NKAIN2: variants seen among roughly 807,000 people sequenced by gnomAD.
The protein encoded by NKAIN2 is sodium/potassium transporting ATPase interacting 2, also known as sodium/potassium-transporting ATPase subunit beta-1-interacting protein 2.
In NKAIN2, 14 loss-of-function variants were observed where a neutral mutation model predicts 32.6. The ratio of observed to expected loss-of-function variants is 0.43; its 90% confidence interval spans 0.28 to 0.67. The LOEUF is 0.67. NKAIN2 is among the 30% of genes least tolerant of loss of function. The probability of loss-of-function intolerance (pLI) is 0.17; values close to 1 mark genes in which losing one functional copy is unlikely to be tolerated. For missense variants in NKAIN2, 198 were observed against 258.3 expected, an observed-to-expected ratio of 0.77 and a Z score of 1.60; for synonymous variants, 80 against 87.2, an observed-to-expected ratio of 0.92 and a Z score of 0.46.
intron 1 of NKAIN2, among the ~76,000 whole-genome samples, chr6:124,147,324 CA>C (rs1221734096): frequency 2.6e-5 from 4 of 152,126 alleles, no homozygotes; most frequent in Non-Finnish European, 1.5e-5. Context: ...ACTGATTGCA[CA>C]CATGGGTGCT....
chr6:124,750,350 TA>T lies in NKAIN2; in HGVS notation c.475-40988del, dbSNP rs529051126. 1.7e-3 allele frequency among the ~76,000 whole-genome samples: 265 copies of T among 152,058 alleles called. 3 individuals carry two copies. The highest frequency in any genetic ancestry group is 5.9e-3 in the African/African-American group (245 of 41,534). Reference sequence around the variant, plus strand: ...TTCCATAACTGTGTATATTTAGCACTATCACATTTTAGTGGGCAATGTCTAT... The same window carrying T: ...TTCCATAACTGTGTATATTTAGCACTTCACATTTTAGTGGGCAATGTCTAT... On this transcript the variant is annotated intron_variant, in intron 4 of 6. Transcript: ENST00000368417.
chr6:124,406,933 CTTA>C (rs989896227), intron 3 of NKAIN2, among the ~76,000 whole-genome samples: 50 of 151,944 alleles, frequency 3.3e-4, no homozygotes, highest in African/African-American at 1.2e-3. Context: ...TGTTCTTTTT[CTTA>C]TTATTATGTT....
intron 3 of NKAIN2, among the ~76,000 whole-genome samples, chr6:124,520,967 T>C (rs958525888): frequency 1.3e-5 from 2 of 152,228 alleles, no homozygotes; most frequent in African/African-American, 4.8e-5. Context: ...GATATTTTTA[T>C]ATTGAACTTG....
intron 3 of NKAIN2, among the ~76,000 whole-genome samples, chr6:124,580,618 G>C (rs760544873): frequency 6.6e-6 from 1 of 152,020 alleles, no homozygotes; most frequent in African/African-American, 2.4e-5. Flanking sequence ...AAACCAACCA[G>C]AAAACAAATA....
intron 1 of NKAIN2, among the ~76,000 whole-genome samples, chr6:123,852,364 C>G (rs556166784): frequency 6.6e-6 from 1 of 152,020 alleles, no homozygotes; most frequent in Non-Finnish European, 1.5e-5. Flanking sequence ...ACTATTGCAC[C>G]TCTGATATAC....
At chr6:124,641,346 G>A (rs1228141290) in intron 3 of NKAIN2, among the ~76,000 whole-genome samples, 1 of 152,118 alleles carries the variant, frequency 6.6e-6, no homozygotes, top group Non-Finnish European at 1.5e-5. Flanking sequence ...CAAGAAGGCA[G>A]TCGCGATAAG....
intron 2 of NKAIN2, among the ~76,000 whole-genome samples, chr6:124,347,501 T>G (rs1191070575): frequency 6.6e-6 from 1 of 152,242 alleles, no homozygotes; most frequent in African/African-American, 2.4e-5. Context: ...TCTTTTCACA[T>G]AGTCCCATAT....
At chr6:124,044,808 A>G (rs1320374617) in intron 1 of NKAIN2, among the ~76,000 whole-genome samples, 1 of 152,058 alleles carries the variant, frequency 6.6e-6, no homozygotes, top group Non-Finnish European at 1.5e-5. Context: ...CAACATCCTC[A>G]AATTATCATT....
At chr6:124,413,439 C>A (rs1311734211) in intron 3 of NKAIN2, among the ~76,000 whole-genome samples, 2 of 152,072 alleles carry the variant, frequency 1.3e-5, no homozygotes, top group Non-Finnish European at 2.9e-5. Flanking sequence ...TATATCAATA[C>A]CACGCTGTAT....
intron 1 of NKAIN2, among the ~76,000 whole-genome samples, chr6:123,988,874 A>AGTGTGTGTGTGTGT (rs72226512): frequency 7.4e-6 from 1 of 134,322 alleles, no homozygotes; most frequent in Non-Finnish European, 1.6e-5. Flanking sequence ...GAACCTTAAG[A>AGTGTGTGTGTGTGT]GTGTGTGTGT....
intron 1 of NKAIN2, among the ~76,000 whole-genome samples, chr6:124,185,097 A>G (rs1053648234): frequency 1.3e-5 from 2 of 152,106 alleles, no homozygotes; most frequent in Admixed American, 1.3e-4. Flanking sequence ...AAACATATCT[A>G]TGTATGTACT....
At chr6:124,274,346 G>C (rs1266546172) in intron 1 of NKAIN2, among the ~76,000 whole-genome samples, 1 of 152,092 alleles carries the variant, frequency 6.6e-6, no homozygotes, top group African/African-American at 2.4e-5. Flanking sequence ...GCAAACCATG[G>C]AGTTATATGT....
rs371479745 is a variant in NKAIN2, at chr6:124,021,899, T to TTTA, written c.54+217656_54+217658dup. On this transcript the variant is annotated intron_variant, in intron 1 of 6. Transcript: ENST00000368417. ...AGGCATTTGGTAATCATACTCTTTTTTTATTATTATTATACTTTAAGGTCT... is the reference window on the plus strand; with the variant it reads ...AGGCATTTGGTAATCATACTCTTTTTTTATTATTATTATTATACTTTAAGGTCT... Among the ~76,000 whole-genome samples, 25 of 152,258 alleles carry TTTA rather than the reference T, an allele frequency of 1.6e-4. No homozygotes were observed. In the South Asian group the frequency reaches 4.6e-3, roughly 28 times the overall value.
intron 1 of NKAIN2, among the ~76,000 whole-genome samples, chr6:124,083,832 T>A (rs575012140): frequency 1.3e-5 from 2 of 152,136 alleles, no homozygotes; most frequent in Admixed American, 1.3e-4. Context: ...TGGCCTTTTT[T>A]AAAGACACTA....
chr6:124,319,777 A>C (rs1272908341), intron 2 of NKAIN2, among the ~76,000 whole-genome samples: 1 of 152,090 alleles, frequency 6.6e-6, no homozygotes, highest in African/African-American at 2.4e-5. Flanking sequence ...GGGCAGAGCA[A>C]ATTCATTTTT....
At chr6:124,673,084 T>C (rs544081056) in intron 4 of NKAIN2, among the ~76,000 whole-genome samples, 2 of 152,180 alleles carry the variant, frequency 1.3e-5, no homozygotes, top group South Asian at 4.1e-4. Context: ...CATCATACTC[T>C]CTGCTTCTGT....
chr6:124,349,033 G>T lies in NKAIN2; in HGVS notation c.193-6234G>T, dbSNP rs144490844. Among the ~76,000 whole-genome samples, 181 of 152,248 alleles carry T rather than the reference G, an allele frequency of 1.2e-3. 2 individuals carry two copies. In the East Asian group the frequency reaches 0.03, roughly 25 times the overall value. On this transcript the variant is annotated intron_variant, in intron 2 of 6. Transcript: ENST00000368417. ...TTAAGACAAGATTTGTTAGTACAAT[G>T]TTCCTTAGGAGTGATTCTAACGTAG...
chr6:124,676,982 G>A (rs765551484), intron 4 of NKAIN2, among the ~76,000 whole-genome samples: 2 of 151,876 alleles, frequency 1.3e-5, no homozygotes, highest in Non-Finnish European at 2.9e-5. Flanking sequence ...GTTGTTTTGG[G>A]GTGGAGGACA....
chr6:123,844,089 G>T (rs1420098212), intron 1 of NKAIN2, among the ~76,000 whole-genome samples: 1 of 152,150 alleles, frequency 6.6e-6, no homozygotes, highest in Non-Finnish European at 1.5e-5. Context: ...GGAGAAAGAT[G>T]GGTGAGAGAC....
Sources: allele counts gnomAD v4.1 joint callset (sites outside exome capture counted in the v4.1 genomes callset), GRCh38; gene constraint gnomAD v4.1.1; transcripts MANE v1.5; gene names NCBI Gene and HGNC (gene_info 2026-07-23, HGNC 2026-07-21).